The following METTL15 variants were observed in gnomAD, a reference collection of about 807,000 sequenced individuals.
The protein encoded by METTL15 is 12S rRNA N(4)-cytidine methyltransferase METTL15.
In METTL15, 34 loss-of-function variants were observed where a neutral mutation model predicts 38.3. The observed-to-expected ratio is 0.89, with a 90% CI of 0.68 to 1.18. The LOEUF is 1.18. Among genes scored for constraint, METTL15 ranks in the 50% most tolerant of loss-of-function variants. The pLI is 0.00. For synonymous variants in METTL15, 162 were observed against 170.9 expected (o/e 0.95, Z 0.41); for missense variants, 438 against 498.4 (o/e 0.88, Z 1.15).
intron 6 of METTL15, among the ~76,000 whole-genome samples, chr11:28,310,986 G>GTGTA (rs1246087906): frequency 6.8e-6 from 1 of 147,970 alleles, no homozygotes; most frequent in African/African-American, 2.6e-5. Flanking sequence ...GTGTGTGTGT[G>GTGTA]TGTGTGTGTG....
At chr11:28,131,350 C>T (rs1849328642) in intron 3 of METTL15, among the ~76,000 whole-genome samples, 1 of 152,166 alleles carries the variant, frequency 6.6e-6, no homozygotes, top group South Asian at 2.1e-4. Context: ...TTTCCTCGCA[C>T]CATCTCTAGC....
At chr11:28,176,722 A>G (rs1278632801) in intron 3 of METTL15, among the ~76,000 whole-genome samples, 1 of 152,074 alleles carries the variant, frequency 6.6e-6, no homozygotes, top group Non-Finnish European at 1.5e-5. Context: ...GTCAGTTATT[A>G]TCTATCTGAC....
downstream of METTL15, among the ~76,000 whole-genome samples, chr11:28,337,834 A>G (rs1322624229): frequency 1.3e-5 from 2 of 152,116 alleles, no homozygotes; most frequent in Admixed American, 1.3e-4. Flanking sequence ...GTAGAAGGCT[A>G]TACTATCTAG....
intron 6 of METTL15, among the ~76,000 whole-genome samples, chr11:28,314,455 A>G (rs770683376): frequency 7.9e-5 from 12 of 152,208 alleles, no homozygotes; most frequent in Non-Finnish European, 1.6e-4. Flanking sequence ...TCTGGGATCA[A>G]TAATGCATGC....
At chr11:28,121,797 G>A (rs1024970264) in intron 3 of METTL15, among the ~76,000 whole-genome samples, 2 of 151,970 alleles carry the variant, frequency 1.3e-5, no homozygotes, top group Non-Finnish European at 2.9e-5. Context: ...AGTCTCATTA[G>A]TATTGGATTT....
chr11:28,176,918 C>T (rs1851097525), intron 3 of METTL15, among the ~76,000 whole-genome samples: 1 of 152,040 alleles, frequency 6.6e-6, no homozygotes, highest in Non-Finnish European at 1.5e-5. Context: ...AGTGGAATAG[C>T]TGGATAATGG....
chr11:28,431,871 G>T (rs1044564243), intron 6 of METTL15, among the ~76,000 whole-genome samples: 7 of 150,704 alleles, frequency 4.6e-5, no homozygotes, highest in Non-Finnish European at 8.9e-5. Context: ...CTTTTGTTTG[G>T]TGAAAACTAT....
chr11:28,338,432 G>C (rs995971509), downstream of METTL15, among the ~76,000 whole-genome samples: 1 of 151,964 alleles, frequency 6.6e-6, no homozygotes, highest in Non-Finnish European at 1.5e-5. Context: ...TACAAGATTT[G>C]ATCATGTTTA....
chr11:28,510,599 T>C (rs1269446851), intron 6 of METTL15, among the ~76,000 whole-genome samples: 3 of 152,222 alleles, frequency 2.0e-5, no homozygotes, highest in Non-Finnish European at 4.4e-5. Context: ...TGTTGATGAT[T>C]ACCACATGAA....
chr11:28,175,032 G>A (rs1405626167), intron 3 of METTL15, among the ~76,000 whole-genome samples: 1 of 151,640 alleles, frequency 6.6e-6, no homozygotes, highest in East Asian at 1.9e-4. Context: ...GTGCCATGTT[G>A]GTGTGCTGCA....
intron 6 of METTL15, among the ~76,000 whole-genome samples, chr11:28,445,449 A>G (rs1189162154): frequency 6.6e-6 from 1 of 152,140 alleles, no homozygotes; most frequent in African/African-American, 2.4e-5. Context: ...CTGGACATTG[A>G]TACAACACTT....
chr11:28,266,105 T>C (rs929318597), intron 4 of METTL15, among the ~76,000 whole-genome samples: 1 of 152,170 alleles, frequency 6.6e-6, no homozygotes, highest in Non-Finnish European at 1.5e-5. Flanking sequence ...TTTTACACTG[T>C]TGGTGGGACT....
intron 6 of METTL15, among the ~76,000 whole-genome samples, chr11:28,449,203 G>C (rs994363899): frequency 2.0e-4 from 31 of 152,168 alleles, no homozygotes; most frequent in Admixed American, 6.5e-5. Flanking sequence ...GCATGCCCAG[G>C]AGGTGGATAG....
intron 3 of METTL15, among the ~76,000 whole-genome samples, chr11:28,134,185 C>A (rs1412545872): frequency 3.9e-5 from 6 of 152,146 alleles, no homozygotes; most frequent in African/African-American, 7.2e-5. Context: ...GAAATAGCCA[C>A]GTGGACATTG....
At chr11:28,491,102 C>G (rs1234529169) in intron 6 of METTL15, among the ~76,000 whole-genome samples, 1 of 152,060 alleles carries the variant, frequency 6.6e-6, no homozygotes, top group Non-Finnish European at 1.5e-5. Flanking sequence ...AGGACTGGCC[C>G]TGGATATACC....
At chr11:28,437,832 A>C (rs923914354) in intron 6 of METTL15, among the ~76,000 whole-genome samples, 2 of 152,210 alleles carry the variant, frequency 1.3e-5, no homozygotes, top group African/African-American at 4.8e-5. Flanking sequence ...TGCCCAGCCC[A>C]GTTTCTTCCA....
At chr11:28,241,625 A>G (rs1334348174) in intron 4 of METTL15, among the ~76,000 whole-genome samples, 2 of 152,094 alleles carry the variant, frequency 1.3e-5, no homozygotes, top group Admixed American at 6.5e-5. Flanking sequence ...CAGTTTTCCA[A>G]AGGATAAATA....
intron 6 of METTL15, among the ~76,000 whole-genome samples, chr11:28,451,928 G>GC (rs1244319116): frequency 3.3e-5 from 5 of 152,176 alleles, no homozygotes; most frequent in Admixed American, 3.3e-4. Context: ...ACTCCCATCT[G>GC]CCCCCATAAT....
At chr11:28,385,967 A>G (rs915409136) in intron 5 of METTL15, among the ~76,000 whole-genome samples, 8 of 152,154 alleles carry the variant, frequency 5.3e-5, no homozygotes, top group Non-Finnish European at 1.2e-4. Context: ...TACAAAATAC[A>G]TATAACAAAC....
Sources: allele counts gnomAD v4.1 joint callset (sites outside exome capture counted in the v4.1 genomes callset), GRCh38; gene constraint gnomAD v4.1.1; transcripts MANE v1.5; gene names NCBI Gene and HGNC (gene_info 2026-07-23, HGNC 2026-07-21).